Variants in ELMO3 observed in about 807,000 individuals in gnomAD.
ELMO3 encodes the protein engulfment and cell motility 3.
Under a neutral mutation model 89.0 loss-of-function variants are expected in ELMO3, and 81 were observed. The observed-to-expected ratio is 0.91, with a 90% CI of 0.76 to 1.09. The LOEUF (loss-of-function observed/expected upper bound fraction) is 1.09. ELMO3 is among the 50% of genes least tolerant of loss of function. The probability of loss-of-function intolerance (pLI) is 0.00; values close to 1 mark genes in which losing one functional copy is unlikely to be tolerated. For synonymous variants in ELMO3, 406 were observed against 400.6 expected, an observed-to-expected ratio of 1.01 and a Z score of -0.16; for missense variants, 959 against 972.8, an observed-to-expected ratio of 0.99 and a Z score of 0.19.
chr16:67,201,139 G>A (rs1319556322), intron 8 of ELMO3, among the ~76,000 whole-genome samples, 171 bp downstream of exon 8: 1 of 150,840 alleles, frequency 6.6e-6, no homozygotes. Context: ...TCTGCCTCCC[G>A]GGTTCACACC....
chr16:67,203,794 C>T lies in ELMO3; in HGVS notation c.2080C>T (p.Pro694Ser), dbSNP rs751522010. Reference protein sequence around the residue: ...KLRLLELENVPIPERPPPVPP... With the variant: ...KLRLLELENVSIPERPPPVPP... ...GCGTCTGCTGGAGCTGGAGAACGTG[C>T]CCATCCCCGAGCGGCCACCCCCTGT... is the stretch of plus-strand genomic sequence containing the variant. The change falls in exon 20 of 20, where the codon CCC (proline) becomes TCC (serine). Residue 694 changes from proline (P) to serine (S), a missense_variant. Pro to Ser is a moderately conservative substitution (Grantham distance 74). Transcript: ENST00000393997. This position sits in a 1 kb window ranked among gnomAD's most constrained non-coding sequence, Gnocchi z 4.6. 1.2e-6 allele frequency: 2 copies of T among 1,612,452 alleles called. No homozygotes were observed. Among genetic ancestry groups the T allele is most frequent in the Middle Eastern group, 1.7e-4 (1 of 5,790 alleles).
rs767521641 is a variant in ELMO3, at chr16:67,202,923, A to G, written c.1594A>G (p.Met532Val). Residue 532 changes from methionine to valine, a missense_variant, in exon 16 of 20, where the codon ATG becomes GTG. Transcript: ENST00000393997. ...GCGGGAGAAGCTGAAGCCAGAGCTC[A>G]TGGGCCTGATCCGCCAGCAGCGCTT... Reference protein sequence around the residue: ...ELREKLKPELMGLIRQQRLLR... With the variant: ...ELREKLKPELVGLIRQQRLLR... The G allele has an allele frequency of 4.3e-6, 7 of 1,611,500 alleles. No individual in the cohort carries two copies. Among genetic ancestry groups the G allele is most frequent in the East Asian group, 2.2e-5 (1 of 44,804 alleles).
Position 67,200,459 on chromosome 16 carries a change from A to G in ELMO3, c.422A>G (p.Glu141Gly), listed in dbSNP as rs1277545934. The G allele has an allele frequency of 6.2e-7, 1 of 1,612,094 alleles. No homozygotes were observed. The highest frequency in any genetic ancestry group is 1.1e-5 in the South Asian group (1 of 91,030). ...TIIEDGDDLG[E>G]VLALSLRAFS... ...AGATGTCCCCCCTCCAGCCTAGGAG[A>G]GGTGCTGGCCCTCAGCCTGAGGGCC... The change falls in exon 6 of 20, where the codon GAG (glutamate) becomes GGG (glycine). Residue 141 changes from glutamate (E) to glycine (G), a missense_variant. Transcript: ENST00000393997.
At chr16:67,199,521 C>G in intron 1 of ELMO3, 32 bp from the exon 2 acceptor site, 7 of 1,592,598 alleles carry the variant, frequency 4.4e-6, no homozygotes, top group Non-Finnish European at 6.0e-6. Flanking sequence ...CCCTCCCTGC[C>G]CAGGCCGCGA....
At chr16:67,199,530 G>A (rs758830493) in intron 1 of ELMO3, 23 bp from the exon 2 acceptor site, 9 of 1,404,378 alleles carry the variant, frequency 6.4e-6, no homozygotes, top group South Asian at 3.4e-5. Context: ...CCCAGGCCGC[G>A]AGAATGACCA....
Position 67,203,453 on chromosome 16 carries a change from T to G in ELMO3, c.1863+44T>G. On this transcript the variant is annotated intron_variant, in intron 18 of 19. Coordinates refer to ENST00000393997, the MANE Select transcript of ELMO3 (RefSeq NM_024712.5). The surrounding 1 kb of genome is among the most constrained non-coding windows in gnomAD (Gnocchi z 4.6). ...GGGCTCCTTCCCACCCGCCCCCGCC[T>G]ACCCTGTCCCCTGCTCAGTGTCCCC... The G allele has an allele frequency of 8.9e-7, 1 of 1,121,412 alleles. No individual in the cohort carries two copies. Among genetic ancestry groups the G allele is most frequent in the Non-Finnish European group, 1.3e-6 (1 of 764,386 alleles). The allele number at this position is 1,121,412 out of a possible 1,614,324, so 69.5% of individuals were successfully genotyped here.
In ELMO3 at chr16:67,199,668, G is replaced by C. The variant is rs750500361; in HGVS notation, c.120-16G>C. On this transcript the variant is annotated splice_polypyrimidine_tract_variant and intron_variant, in intron 2 of 19. Coordinates refer to ENST00000393997, the MANE Select transcript of ELMO3 (RefSeq NM_024712.5). The stretch of plus-strand genomic sequence containing the variant: ...CGGCGCCCCCTGCCGGCCTCGCTGA[G>C]CCTCGTGCCCCTCAGGTGGAGCCTG... 6.2e-7 allele frequency: 1 copy of C among 1,609,240 alleles called. No individual in the cohort carries two copies. The highest frequency in any genetic ancestry group is 1.7e-5 in the Admixed American group (1 of 59,884).
chr16:67,202,126 G>C, intron 12 of ELMO3, 48 bp downstream of exon 12: 1 of 1,608,812 alleles, frequency 6.2e-7, no homozygotes, highest in South Asian at 1.1e-5. Flanking sequence ...CCCAGGCAGG[G>C]TCCCCATGGG....
Position 67,199,321 on chromosome 16 carries a change from T to C in ELMO3, c.-6T>C. 6.2e-7 allele frequency: 1 copy of C among 1,612,308 alleles called. No individual in the cohort carries two copies. The highest frequency in any genetic ancestry group is 1.1e-5 in the South Asian group (1 of 91,070). On this transcript the variant is annotated 5_prime_UTR_variant, in exon 1 of 20. Coordinates refer to ENST00000393997, the MANE Select transcript of ELMO3 (RefSeq NM_024712.5). ...AAAGTGCAGGCGCCCACGTCCCAGC[T>C]GGACCATGGCGCCTCCGCGGAACGT...
Position 67,202,665 on chromosome 16 carries a change from G to A in ELMO3, c.1437G>A (p.Leu479=). Residue 479 remains leucine (L), a synonymous_variant, in exon 15 of 20, where the codon CTG becomes CTA. Coordinates refer to ENST00000393997, the MANE Select transcript of ELMO3 (RefSeq NM_024712.5). ...QVVREQLART[L]ALKPTSLELF... is the part of the protein sequence containing the mutation. The stretch of plus-strand genomic sequence containing the variant: ...TGCGGGAGCAGCTGGCCCGCACTCT[G>A]GCCCTGAAGCCCACTTCCCTGGAGC... The A allele has an allele frequency of 1.2e-6, 2 of 1,613,680 alleles. No individual in the cohort carries two copies. The highest frequency in any genetic ancestry group is 8.5e-7 in the Non-Finnish European group (1 of 1,179,988).
At position 67,201,396 on chromosome 16, in the gene ELMO3, C is replaced by T. The variant is rs746433041; in HGVS notation, c.756C>T (p.Asp252=). 4.3e-6 allele frequency: 7 copies of T among 1,613,862 alleles called. No individual in the cohort carries two copies. Among genetic ancestry groups the T allele is most frequent in the South Asian group, 3.3e-5 (3 of 91,090 alleles). ...ASPVERKHML[D]YLWQRNLRQF... The stretch of plus-strand genomic sequence containing the variant: ...TTCTACCCCCTCAGCACATGCTTGA[C>T]TATCTTTGGCAGAGGAACCTTCGCC... Residue 252 remains aspartate, a synonymous_variant, in exon 9 of 20, where the codon GAC becomes GAT. Transcript: ENST00000393997.
Position 67,202,689 on chromosome 16 carries a change from G to C in ELMO3, c.1461G>C (p.Glu487Asp). The change falls in exon 15 of 20, where the codon GAG (glutamate) becomes GAC (aspartate). Residue 487 changes from glutamate (E) to aspartate (D), a missense_variant. By Grantham distance (45) the Glu-to-Asp change is conservative. Transcript: ENST00000393997. ...RTLALKPTSL[E>D]LFRTKVNALT... The stretch of plus-strand genomic sequence containing the variant: ...TGGCCCTGAAGCCCACTTCCCTGGA[G>C]CTCTTCCGAACCAAGGTGAATGCGC... The C allele has an allele frequency of 1.9e-6, 3 of 1,613,758 alleles. No individual in the cohort carries two copies. The highest frequency in any genetic ancestry group is 2.5e-6 in the Non-Finnish European group (3 of 1,180,006).
Position 67,202,747 on chromosome 16 carries a change from A to G in ELMO3, c.1519A>G (p.Thr507Ala), listed in dbSNP as rs917601055. The G allele has an allele frequency of 5.6e-6, 9 of 1,613,420 alleles. No individual in the cohort carries two copies. The African/African-American group carries it at 1.2e-4, about 22-fold the overall frequency. The change falls in exon 15 of 20, where the codon ACT becomes GCT. Residue 507 changes from threonine to alanine, a missense_variant. Thr to Ala is a moderately conservative substitution (Grantham distance 58). Transcript: ENST00000393997. ...TYGEVLRLRQ[T>A]ERLHQEGTLA... is the part of the protein sequence containing the mutation. ...TGGGGAGGTGCTGCGGCTGCGGCAG[A>G]CTGAACGGCTGCACCAGGAGGGCAC...
chr16:67,201,488 C>T (rs929048380), intron 9 of ELMO3, 32 bp from the exon 10 acceptor site: 2 of 1,613,888 alleles, frequency 1.2e-6, no homozygotes, highest in African/African-American at 2.7e-5. Flanking sequence ...CCCGTGAGCC[C>T]TCGCTTACAC....
In ELMO3 at chr16:67,203,573, C is replaced by G. The variant is rs766173749; in HGVS notation, c.1940C>G (p.Ser647Cys). 43 of 1,613,988 alleles carry G rather than the reference C, an allele frequency of 2.7e-5. No individual in the cohort carries two copies. The highest frequency in any genetic ancestry group is 1.6e-4 in the Middle Eastern group (1 of 6,084). Residue 647 changes from serine (S) to cysteine (C), a missense_variant, in exon 19 of 20, where the codon TCC becomes TGC. Transcript: ENST00000393997. The surrounding 1 kb of genome is among the most constrained non-coding windows in gnomAD (Gnocchi z 4.6). ...EEAYLNFIAP[S>C]KREFYLWTDG... ...GCGTACCTCAACTTCATTGCCCCCT[C>G]CAAGCGGGAGGTGAGTGTCCGCCAG...
intron 4 of ELMO3, 31 bp downstream of exon 4, chr16:67,200,032 C>A: frequency 6.2e-7 from 1 of 1,611,008 alleles, no homozygotes; most frequent in Non-Finnish European, 8.5e-7. Flanking sequence ...CCTTCCCCAT[C>A]CCTGCCCCTT....
At position 67,200,208 on chromosome 16, in the gene ELMO3, A is replaced by C; in HGVS notation, c.260A>C (p.Gln87Pro). 6.2e-7 allele frequency: 1 copy of C among 1,612,600 alleles called. No individual in the cohort carries two copies. The highest frequency in any genetic ancestry group is 8.5e-7 in the Non-Finnish European group (1 of 1,179,238). ...TCCTGCCAGGACCTTGAGGCTGAGC[A>C]GCTCTTGGGTGGGCTGCAGAGTAAC... ...LSTAPDLEAE[Q>P]LLGGLQSNSP... The change falls in exon 5 of 20, where the codon CAG (glutamine) becomes CCG (proline). Residue 87 changes from glutamine to proline, a missense_variant. Physicochemically the swap from Gln to Pro is moderately conservative, Grantham distance 76. Coordinates refer to ENST00000393997, the MANE Select transcript of ELMO3 (RefSeq NM_024712.5).
In ELMO3 at chr16:67,199,364, A is replaced by G. The variant is rs576749735; in HGVS notation, c.38A>G (p.Lys13Arg). ...CGGAACGTGGTGAAGATTGCCATCA[A>G]GATGCGTGACGCCATCCCGCAGCTC... The part of the protein sequence containing the change: ...PPRNVVKIAI[K>R]MRDAIPQLIQ... The change falls in exon 1 of 20, where the codon AAG becomes AGG. Residue 13 changes from lysine (K) to arginine (R), a missense_variant. Physicochemically the swap from Lys to Arg is conservative, Grantham distance 26. Coordinates refer to ENST00000393997, the MANE Select transcript of ELMO3 (RefSeq NM_024712.5). The G allele has an allele frequency of 6.2e-7, 1 of 1,609,466 alleles. No individual in the cohort carries two copies. The highest frequency in any genetic ancestry group is 8.5e-7 in the Non-Finnish European group (1 of 1,179,184).
chr16:67,203,418 AGCGGGCCAGGG>A lies in ELMO3; in HGVS notation c.1863+12_1863+22del. The A allele has an allele frequency of 6.2e-7, 1 of 1,612,774 alleles. No individual in the cohort carries two copies. Among genetic ancestry groups the A allele is most frequent in the Non-Finnish European group, 8.5e-7 (1 of 1,179,648 alleles). ...CCGGGAAGCAGAACAAGGTGAGTACAGCGGGCCAGGGGCTCCTTCCCACCCGCCCCCGCCTA... is the reference window on the plus strand; with the variant it reads ...CCGGGAAGCAGAACAAGGTGAGTACAGCTCCTTCCCACCCGCCCCCGCCTA... On this transcript the variant is annotated intron_variant, in intron 18 of 19. Coordinates refer to ENST00000393997, the MANE Select transcript of ELMO3 (RefSeq NM_024712.5). This position sits in a 1 kb window ranked among gnomAD's most constrained non-coding sequence, Gnocchi z 4.6.
Sources: gnomAD v4.1 joint callset for allele counts (sites outside exome capture counted in the v4.1 genomes callset) on GRCh38, gnomAD v4.1.1 for gene constraint, Gnocchi (gnomAD v3.1) non-coding constraint, MANE v1.5 for transcripts, NCBI Gene and HGNC (gene_info 2026-07-23, HGNC 2026-07-21) for gene names.